PIAS1: variants seen among roughly 807,000 people sequenced by gnomAD.
PIAS1 encodes E3 SUMO-protein ligase PIAS1.
PIAS1 carries 6 observed loss-of-function variants against 71.3 expected under a neutral mutation model. The observed-to-expected ratio is 0.08, with a 90% CI of 0.05 to 0.17. PIAS1 has a LOEUF of 0.17. PIAS1 is among the 10% of genes least tolerant of loss of function. The probability of loss-of-function intolerance (pLI) is 1.00; values close to 1 mark genes in which losing one functional copy is unlikely to be tolerated. For synonymous variants in PIAS1, 303 were observed against 292.9 expected, an observed-to-expected ratio of 1.03 and a Z score of -0.35; for missense variants, 555 against 793.6, an observed-to-expected ratio of 0.70 and a Z score of 3.61.
At chr15:68,151,683 A>AACACACACACACACACACAC (rs754171390) in intron 6 of PIAS1, among the ~76,000 whole-genome samples, 6 of 134,762 alleles carry the variant, frequency 4.5e-5, no homozygotes, top group African/African-American at 1.7e-4. Flanking sequence ...AAAAAAACAA[A>AACACACACACACACACACAC]ACACACACAC....
At chr15:68,099,949 CTG>C (rs954389396) in intron 2 of PIAS1, among the ~76,000 whole-genome samples, 14 of 152,082 alleles carry the variant, frequency 9.2e-5, no homozygotes, top group African/African-American at 3.1e-4. Flanking sequence ...GGTGAAATGT[CTG>C]TGCATATTTT....
chr15:68,184,686 T>C (rs1336721967), intron 13 of PIAS1: 1 of 152,292 alleles, frequency 6.6e-6, no homozygotes, highest in Non-Finnish European at 1.5e-5. Flanking sequence ...TGAAGGAAGA[T>C]TACTTGCCAG....
rs1328282944 is a variant in PIAS1, at chr15:68,134,817, G to A, written c.470-7129G>A. On this transcript the variant is annotated intron_variant, in intron 2 of 13. Transcript: ENST00000249636. Reference sequence around the variant, plus strand: ...TGGGCAGAGGCCCCCCTCACCTCCCGGATGGGGCGGCTGGCCGGGCGGGGG... The same window carrying A: ...TGGGCAGAGGCCCCCCTCACCTCCCAGATGGGGCGGCTGGCCGGGCGGGGG... Among the ~76,000 whole-genome samples the A allele has an allele frequency of 2.2e-4, 10 of 44,790 alleles. 2 individuals are homozygous for A. The highest frequency in any genetic ancestry group is 4.7e-4 in the African/African-American group (10 of 21,272). 29.4% of individuals were successfully genotyped at this position (44,790 alleles called of 152,430 possible).
intron 2 of PIAS1, among the ~76,000 whole-genome samples, chr15:68,121,709 T>C (rs1032898335): frequency 2.6e-5 from 4 of 152,138 alleles, no homozygotes; most frequent in African/African-American, 9.7e-5. Context: ...TCCTAATTGT[T>C]TATCTCTACC....
At position 68,096,341 on chromosome 15, in the gene PIAS1, G is replaced by A. The variant is rs192144249; in HGVS notation, c.469+9591G>A. Among the ~76,000 whole-genome samples, 9 of 151,778 alleles carry A rather than the reference G, an allele frequency of 5.9e-5. No homozygotes were observed. The East Asian group carries it at 1.5e-3, about 26-fold the overall frequency. ...TTTGATTACTGTAGCTTTGTAATAC[G>A]TTTTGAAATAAGGAAGTGTGAGGCT... On this transcript the variant is annotated intron_variant, in intron 2 of 13. Coordinates refer to ENST00000249636, the MANE Select transcript of PIAS1 (RefSeq NM_016166.3).
chr15:68,106,180 T>C (rs1020842602), intron 2 of PIAS1, among the ~76,000 whole-genome samples: 1 of 151,512 alleles, frequency 6.6e-6, no homozygotes. Flanking sequence ...TGAATATGTG[T>C]GTGTAAGAGA....
intron 12 of PIAS1, among the ~76,000 whole-genome samples, chr15:68,182,083 A>G (rs2093056701): frequency 6.6e-6 from 1 of 151,926 alleles, no homozygotes; most frequent in Non-Finnish European, 1.5e-5. Context: ...TGAAAGTTTT[A>G]GTTTTTATTC....
At chr15:68,064,391 G>A (rs1400205377) in intron 1 of PIAS1, among the ~76,000 whole-genome samples, 1 of 152,166 alleles carries the variant, frequency 6.6e-6, no homozygotes, top group Non-Finnish European at 1.5e-5. Flanking sequence ...TGTTGAAGTT[G>A]CATAGTGAAA....
chr15:68,054,479 G>A lies in PIAS1; in HGVS notation c.24+129G>A. On this transcript the variant is annotated intron_variant, in intron 1 of 13. Coordinates refer to ENST00000249636, the MANE Select transcript of PIAS1 (RefSeq NM_016166.3). This position sits in a 1 kb window ranked among gnomAD's most constrained non-coding sequence, Gnocchi z 4.6. ...CCACCCGGGCCTGGAGTTGTAGGGA[G>A]AGAGGCGCGCCCGGTCTCAGCAGAG... 1.0e-6 allele frequency: 1 copy of A among 981,150 alleles called. No homozygotes were observed. Among genetic ancestry groups the A allele is most frequent in the South Asian group, 1.5e-5 (1 of 64,866 alleles). 60.8% of individuals were successfully genotyped at this position (981,150 alleles called of 1,614,324 possible). A position where few individuals can be genotyped will look rare whatever the true frequency, so the allele number is the denominator to read the frequency against.
chr15:68,147,987 A>G (rs1219502033), intron 6 of PIAS1, among the ~76,000 whole-genome samples: 6 of 152,192 alleles, frequency 3.9e-5, no homozygotes, highest in Non-Finnish European at 7.3e-5. Context: ...ACCATGTGTC[A>G]TCTACTATAC....
chr15:68,148,219 A>G (rs2092821694), intron 6 of PIAS1, among the ~76,000 whole-genome samples: 1 of 152,124 alleles, frequency 6.6e-6, no homozygotes, highest in African/African-American at 2.4e-5. Flanking sequence ...GAGCTGAGAA[A>G]AGAGTTGCAA....
intron 2 of PIAS1, among the ~76,000 whole-genome samples, chr15:68,101,399 T>C (rs975218042): frequency 2.6e-5 from 4 of 151,840 alleles, no homozygotes; most frequent in African/African-American, 9.7e-5. Flanking sequence ...TAGTCCTTCG[T>C]TGGGTTTGTG....
chr15:68,069,006 C>G (rs2140962600), intron 1 of PIAS1, among the ~76,000 whole-genome samples: 1 of 150,004 alleles, frequency 6.7e-6, no homozygotes, highest in East Asian at 2.0e-4. Context: ...AGCCATTCTC[C>G]TGGCTCAGCT....
Position 68,146,548 on chromosome 15 carries a change from A to G in PIAS1, c.694-18A>G. On this transcript the variant is annotated intron_variant, in intron 5 of 13. Transcript: ENST00000249636. The stretch of plus-strand genomic sequence containing the variant: ...TTGTGGAAATAATAAGTATAAATAA[A>G]TTACATTTCATTTTTAGGGTTACCT... The G allele has an allele frequency of 6.2e-7, 1 of 1,600,762 alleles. No homozygotes were observed. The highest frequency in any genetic ancestry group is 1.3e-5 in the African/African-American group (1 of 74,566).
chr15:68,172,584 T>G (rs1010853771), intron 8 of PIAS1, among the ~76,000 whole-genome samples: 97 of 152,332 alleles, frequency 6.4e-4, no homozygotes, highest in Admixed American at 4.8e-3. Flanking sequence ...CACAAGCGTT[T>G]ATATTTTTCA....
At chr15:68,101,286 T>G (rs1204680708) in intron 2 of PIAS1, among the ~76,000 whole-genome samples, 1 of 152,110 alleles carries the variant, frequency 6.6e-6, no homozygotes, top group Non-Finnish European at 1.5e-5. Flanking sequence ...GAATATCCTC[T>G]TCAGTGAAAT....
At chr15:68,119,402 G>C (rs1328295597) in intron 2 of PIAS1, among the ~76,000 whole-genome samples, 1 of 151,616 alleles carries the variant, frequency 6.6e-6, no homozygotes, top group African/African-American at 2.4e-5. Context: ...CCAAGATCAT[G>C]CCACTGCACT....
At chr15:68,102,439 T>G (rs2092435271) in intron 2 of PIAS1, among the ~76,000 whole-genome samples, 3 of 152,202 alleles carry the variant, frequency 2.0e-5, no homozygotes, top group Admixed American at 2.0e-4. Flanking sequence ...TTCTTTTGCC[T>G]TTCCACACAA....
chr15:68,090,528 C>T (rs2092324168), intron 2 of PIAS1, among the ~76,000 whole-genome samples: 1 of 151,726 alleles, frequency 6.6e-6, no homozygotes, highest in Non-Finnish European at 1.5e-5. Flanking sequence ...TAGATATGAA[C>T]CTGTTACATG....
Sources: allele counts gnomAD v4.1 joint callset (sites outside exome capture counted in the v4.1 genomes callset), GRCh38; gene constraint gnomAD v4.1.1; non-coding constraint Gnocchi (gnomAD v3.1); transcripts MANE v1.5; gene names NCBI Gene and HGNC (gene_info 2026-07-23, HGNC 2026-07-21).